The following PDZD2 variants were observed in gnomAD, a reference collection of about 807,000 sequenced individuals.
PDZD2 encodes the protein PDZ domain containing 2.
In PDZD2, 90 loss-of-function variants were observed where a neutral mutation model predicts 220.7. The observed-to-expected ratio is 0.41, with a 90% CI of 0.34 to 0.49. The LOEUF (loss-of-function observed/expected upper bound fraction) is 0.49, where lower values mean the gene tolerates loss of function less well. Among genes scored for constraint, PDZD2 ranks in the 20% least tolerant of loss-of-function variants. The pLI is 0.28. For missense variants in PDZD2, 3,174 were observed against 3,608.5 expected (o/e 0.88, Z 3.08); for synonymous variants, 1,375 against 1,450.5 (o/e 0.95, Z 1.18).
In PDZD2 at chr5:32,061,086, C is replaced by G; in HGVS notation, c.2403C>G (p.Cys801Trp). Reference protein sequence around the residue: ...LSKVHAILSKCPPGPVRLVIG... With the variant: ...LSKVHAILSKWPPGPVRLVIG... ...AAGTCCACGCCATCTTGAGTAAATG[C>G]CCTCCAGGACCCGTTCGCCTTGTCA... The change falls in exon 14 of 25, where the codon TGC (cysteine) becomes TGG (tryptophan). Residue 801 changes from cysteine (C) to tryptophan (W), a missense_variant. Transcript: ENST00000438447. 6.2e-7 allele frequency: 1 copy of G among 1,614,056 alleles called. No homozygotes were observed. The highest frequency in any genetic ancestry group is 8.5e-7 in the Non-Finnish European group (1 of 1,179,940).
In PDZD2 at chr5:32,068,841, G is replaced by A. The variant is rs533009722; in HGVS notation, c.2452-728G>A. ...AGCAAAAAGCTGTAATTCTGTGTGC[G>A]TGTGTGTGTATGTGTCTGTGTAGGG... On this transcript the variant is annotated intron_variant, in intron 14 of 24. Transcript: ENST00000438447. Among the ~76,000 whole-genome samples, 14 of 56,664 alleles carry A rather than the reference G, an allele frequency of 2.5e-4. No homozygotes were observed. In the East Asian group the frequency reaches 6.6e-3, roughly 27 times the overall value. 37.2% of individuals were successfully genotyped at this position (56,664 alleles called of 152,430 possible). A position where few individuals can be genotyped will look rare whatever the true frequency, so the allele number is the denominator to read the frequency against.
At chr5:31,946,110 C>T (rs1160082387) in intron 2 of PDZD2, among the ~76,000 whole-genome samples, 1 of 152,234 alleles carries the variant, frequency 6.6e-6, no homozygotes. Context: ...TCAAGGGATT[C>T]TCCTGCCTCA....
chr5:31,873,531 CTTTTTATT>C lies in PDZD2; in HGVS notation c.476+73809_476+73816del, dbSNP rs1325558077. Among the ~76,000 whole-genome samples the C allele has an allele frequency of 1.4e-4, 19 of 137,044 alleles. No homozygotes were observed. In the South Asian group the frequency reaches 1.5e-3, roughly 11 times the overall value. The allele number at this position is 137,044 out of a possible 152,430, so 89.9% of individuals were successfully genotyped here. ...AGGGCCAGCTAGAAGATTGAAAATT[CTTTTTATT>C]TATTTATTTATTTATTTATTTATTT... On this transcript the variant is annotated intron_variant, in intron 2 of 24. Transcript: ENST00000438447.
rs57135705 is a variant in PDZD2, at chr5:32,054,312, C to CTTTTT, written c.1900+451_1900+455dup. ...CATAGTCTGGTTCCTAAATGAACAT[C>CTTTTT]TTTTTTTTTTTTTTTTTTTTTTTTT... On this transcript the variant is annotated intron_variant, in intron 10 of 24. Coordinates refer to ENST00000438447, the MANE Select transcript of PDZD2 (RefSeq NM_178140.4). Among the ~76,000 whole-genome samples, 34 of 69,332 alleles carry CTTTTT rather than the reference C, an allele frequency of 4.9e-4. 5 individuals are homozygous for CTTTTT. The highest frequency in any genetic ancestry group is 1.1e-3 in the African/African-American group (21 of 18,486). 45.5% of individuals were successfully genotyped at this position (69,332 alleles called of 152,430 possible). A position where few individuals can be genotyped will look rare whatever the true frequency, so the allele number is the denominator to read the frequency against.
In PDZD2 at chr5:31,774,399, A is replaced by G. The variant is rs573992001; in HGVS notation, c.-360-24490A>G. On this transcript the variant is annotated intron_variant, in intron 1 of 24. Transcript: ENST00000438447. Reference sequence around the variant, plus strand: ...AGAATACAGGTTCACTGTAGAAAAAAGAAAACAAAGAAGATAAAAACTACT... The same window carrying G: ...AGAATACAGGTTCACTGTAGAAAAAGGAAAACAAAGAAGATAAAAACTACT... Among the ~76,000 whole-genome samples, 4 of 150,524 alleles carry G rather than the reference A, an allele frequency of 2.7e-5. No individual in the cohort carries two copies. In the South Asian group the frequency reaches 6.3e-4, roughly 24 times the overall value.
intron 1 of PDZD2, among the ~76,000 whole-genome samples, chr5:31,768,330 T>C (rs754624344): frequency 1.1e-4 from 16 of 152,040 alleles, no homozygotes; most frequent in Non-Finnish European, 2.9e-5. Context: ...TAGAGATAGA[T>C]GAGGCTTCAG....
At chr5:31,652,527 C>A (rs1745391371) in intron 1 of PDZD2, among the ~76,000 whole-genome samples, 2 of 152,196 alleles carry the variant, frequency 1.3e-5, no homozygotes, top group Admixed American at 6.5e-5. Context: ...GCCCCCAAAT[C>A]AACTTTTTTC....
chr5:31,798,601 T>A (rs1754184496), intron 1 of PDZD2, among the ~76,000 whole-genome samples: 2 of 152,110 alleles, frequency 1.3e-5, no homozygotes, highest in South Asian at 4.1e-4. Flanking sequence ...GTGAGTTTGA[T>A]AGTATGTTGG....
At chr5:32,080,623 T>C (rs1481585795) in intron 19 of PDZD2, among the ~76,000 whole-genome samples, 1 of 152,220 alleles carries the variant, frequency 6.6e-6, no homozygotes, top group Non-Finnish European at 1.5e-5. Context: ...GTACATTCTT[T>C]CCTTTCTTGC....
intron 2 of PDZD2, among the ~76,000 whole-genome samples, chr5:31,861,999 A>C (rs2150312797): frequency 6.6e-6 from 1 of 152,110 alleles, no homozygotes; most frequent in South Asian, 2.1e-4. Context: ...TATATCCTGA[A>C]CACCCTACAC....
chr5:31,895,831 C>T (rs1446844557), intron 2 of PDZD2, among the ~76,000 whole-genome samples: 2 of 152,168 alleles, frequency 1.3e-5, no homozygotes, highest in Non-Finnish European at 2.9e-5. Flanking sequence ...AGCAGCGTAG[C>T]CTTTTCCCCA....
intron 21 of PDZD2, among the ~76,000 whole-genome samples, chr5:32,095,996 G>A (rs1001015159): frequency 3.4e-5 from 5 of 147,130 alleles, no homozygotes; most frequent in East Asian, 2.1e-4. Flanking sequence ...ACCTGCCTCC[G>A]CCTCCCAAAG....
intron 2 of PDZD2, among the ~76,000 whole-genome samples, chr5:31,815,437 T>A (rs1214275092): frequency 6.6e-6 from 1 of 151,998 alleles, no homozygotes; most frequent in Non-Finnish European, 1.5e-5. Context: ...GTCAAAGAGA[T>A]ATATTTTGGA....
rs908124069 is a variant in PDZD2 at position 31,815,292 on chromosome 5, T to C, written c.476+15568T>C. ...AAAAGAATAGGTGGCAGATGTCTCA[T>C]CAGACTGTAAAAGGTGCTAGACTCT... On this transcript the variant is annotated intron_variant, in intron 2 of 24. Coordinates refer to ENST00000438447, the MANE Select transcript of PDZD2 (RefSeq NM_178140.4). Among the ~76,000 whole-genome samples the C allele has an allele frequency of 6.2e-4, 89 of 143,926 alleles. 1 individual carries two copies. Among genetic ancestry groups the C allele is most frequent in the African/African-American group, 2.1e-3 (84 of 39,168 alleles). The allele number at this position is 143,926 out of a possible 152,430, so 94.4% of individuals were successfully genotyped here.
At chr5:31,946,440 G>A (rs182444110) in intron 2 of PDZD2, among the ~76,000 whole-genome samples, 17 of 152,294 alleles carry the variant, frequency 1.1e-4, no homozygotes, top group African/African-American at 1.7e-4. Flanking sequence ...GGGCCCTCCG[G>A]CGGGTCTGGG....
intron 18 of PDZD2, among the ~76,000 whole-genome samples, chr5:32,075,090 G>T (rs1266309843): frequency 6.6e-6 from 1 of 152,166 alleles, no homozygotes; most frequent in African/African-American, 2.4e-5. Flanking sequence ...GGGATTACAA[G>T]CGTGAGCCAC....
At chr5:31,960,941 C>CAG (rs1346917342) in intron 2 of PDZD2, among the ~76,000 whole-genome samples, 1 of 151,758 alleles carries the variant, frequency 6.6e-6, no homozygotes, top group Non-Finnish European at 1.5e-5. Flanking sequence ...GTGTAGGGAC[C>CAG]GACTGACTTA....
At chr5:31,690,410 T>C (rs1747070655) in intron 1 of PDZD2, among the ~76,000 whole-genome samples, 1 of 152,082 alleles carries the variant, frequency 6.6e-6, no homozygotes, top group Non-Finnish European at 1.5e-5. Context: ...TCCTGGGCAT[T>C]TGTGTCCTGG....
intron 1 of PDZD2, among the ~76,000 whole-genome samples, chr5:31,687,633 A>T (rs1746926594): frequency 6.6e-6 from 1 of 152,218 alleles, no homozygotes; most frequent in South Asian, 2.1e-4. Context: ...GCCATAACAA[A>T]ATACCATAGA....
Sources: allele counts gnomAD v4.1 joint callset (sites outside exome capture counted in the v4.1 genomes callset), GRCh38; gene constraint gnomAD v4.1.1; transcripts MANE v1.5; gene names NCBI Gene and HGNC (gene_info 2026-07-23, HGNC 2026-07-21).